MAPK10: variants seen among roughly 807,000 people sequenced by gnomAD.
The protein encoded by MAPK10 is mitogen-activated protein kinase 10.
In MAPK10, 25 loss-of-function variants were observed where a neutral mutation model predicts 59.3. The observed-to-expected ratio is 0.42, with a 90% CI of 0.31 to 0.59. MAPK10 has a LOEUF of 0.59. Among genes scored for constraint, MAPK10 ranks in the 20% least tolerant of loss-of-function variants. MAPK10 has a pLI of 0.15. For missense variants in MAPK10, 351 were observed against 568.9 expected (o/e 0.62, Z 3.90); for synonymous variants, 190 against 200.5 (o/e 0.95, Z 0.44).
intron 1 of MAPK10, among the ~76,000 whole-genome samples, chr4:86,474,672 G>A (rs528711296): frequency 6.6e-6 from 1 of 152,252 alleles, no homozygotes; most frequent in Non-Finnish European, 1.5e-5. Flanking sequence ...GCTAGAAAAT[G>A]AGCTGAAGGA....
chr4:86,261,900 A>C (rs897026554), intron 2 of MAPK10, among the ~76,000 whole-genome samples: 7 of 152,254 alleles, frequency 4.6e-5, no homozygotes, highest in Admixed American at 3.9e-4. Context: ...CACTGCCGTG[A>C]GGGCTAGTTC....
chr4:86,556,163 T>A (rs182607304), intron 1 of MAPK10, among the ~76,000 whole-genome samples: 18 of 152,170 alleles, frequency 1.2e-4, no homozygotes, highest in African/African-American at 4.3e-4. Context: ...TGGGAACAAT[T>A]CATGCTAGCA....
chr4:86,042,759 A>AT (rs958941298), intron 11 of MAPK10, among the ~76,000 whole-genome samples: 1 of 152,004 alleles, frequency 6.6e-6, no homozygotes, highest in African/African-American at 2.4e-5. Context: ...TTTATCAGAA[A>AT]AAAAAGACAA....
At chr4:86,412,017 T>A (rs376947621) in intron 1 of MAPK10, among the ~76,000 whole-genome samples, 1 of 152,238 alleles carries the variant, frequency 6.6e-6, no homozygotes, top group African/African-American at 2.4e-5. Flanking sequence ...CAATTTGGCA[T>A]GTTTTTGCAG....
intron 1 of MAPK10, among the ~76,000 whole-genome samples, chr4:86,496,478 A>G (rs929531544): frequency 2.0e-5 from 3 of 152,202 alleles, no homozygotes; most frequent in Non-Finnish European, 4.4e-5. Context: ...ATCTGCCTAT[A>G]ATGCAAAGGA....
At chr4:86,480,114 C>T (rs1207217836) in intron 1 of MAPK10, among the ~76,000 whole-genome samples, 2 of 152,134 alleles carry the variant, frequency 1.3e-5, no homozygotes, top group South Asian at 2.1e-4. Flanking sequence ...GTGACCTGCA[C>T]GTATACACCT....
intron 9 of MAPK10, among the ~76,000 whole-genome samples, chr4:86,098,105 T>G (rs764400791): frequency 2.0e-5 from 3 of 152,160 alleles, no homozygotes; most frequent in Non-Finnish European, 4.4e-5. Context: ...GCTTAGAATG[T>G]CAGCAAGGAG....
chr4:86,074,937 G>A (rs1019187606), intron 9 of MAPK10, among the ~76,000 whole-genome samples: 1 of 139,340 alleles, frequency 7.2e-6, no homozygotes, highest in African/African-American at 2.8e-5. Context: ...CTGAACGTTG[G>A]CCTGCCTTGC....
upstream of MAPK10, among the ~76,000 whole-genome samples, chr4:86,362,857 G>T (rs1737232662): frequency 6.6e-6 from 1 of 152,146 alleles, no homozygotes; most frequent in African/African-American, 2.4e-5. Flanking sequence ...AGTACAAAAT[G>T]TTAAAACTAC....
intron 4 of MAPK10, among the ~76,000 whole-genome samples, chr4:86,145,693 T>C (rs890487864): frequency 1.3e-5 from 2 of 152,186 alleles, no homozygotes; most frequent in Non-Finnish European, 2.9e-5. Context: ...ATCTGTCATC[T>C]ATTTCTCTCT....
At chr4:86,102,080 A>G in intron 6 of MAPK10, 48 bp from the exon 7 acceptor site, 1 of 1,566,346 alleles carries the variant, frequency 6.4e-7, no homozygotes. Flanking sequence ...AAGATCTATG[A>G]AGTCCTTTGA....
At chr4:86,202,682 A>G (rs574474851) in intron 2 of MAPK10, among the ~76,000 whole-genome samples, 7 of 151,708 alleles carry the variant, frequency 4.6e-5, no homozygotes, top group Middle Eastern at 3.4e-3. Flanking sequence ...GTGACGTTTC[A>G]GTTCTCTACT....
intron 2 of MAPK10, among the ~76,000 whole-genome samples, chr4:86,242,013 T>C (rs2148689573): frequency 6.6e-6 from 1 of 152,238 alleles, no homozygotes; most frequent in African/African-American, 2.4e-5. Flanking sequence ...GATGGGGTTT[T>C]TGTGGGGGTC....
chr4:86,142,512 G>A (rs1351573943), intron 4 of MAPK10, among the ~76,000 whole-genome samples: 2 of 152,156 alleles, frequency 1.3e-5, no homozygotes, highest in African/African-American at 4.8e-5. Context: ...GGAAAACAGG[G>A]TGAGGGAGAC....
intron 9 of MAPK10, among the ~76,000 whole-genome samples, chr4:86,075,777 A>T (rs966774005): frequency 1.4e-4 from 21 of 152,060 alleles, no homozygotes; most frequent in Admixed American, 1.3e-3. Flanking sequence ...GCGTGCTGGG[A>T]GAACCACTGC....
At position 86,291,700 on chromosome 4, in the gene MAPK10, T is replaced by C. The variant is rs2095233598; in HGVS notation, c.-7+62830A>G. 2.0e-5 allele frequency among the ~76,000 whole-genome samples: 3 copies of C among 152,232 alleles called. No individual in the cohort carries two copies. In the South Asian group the frequency reaches 6.2e-4, roughly 31 times the overall value. On this transcript the variant is annotated intron_variant, in intron 2 of 13. Coordinates refer to ENST00000641462, the MANE Select transcript of MAPK10 (RefSeq NM_138982.4). ...TTCTAAGCACTGTCATTCTTCTAAA[T>C]AATTTATATTGCATTGGTATTTGCT...
At chr4:86,478,334 G>C (rs1001226350) in intron 1 of MAPK10, among the ~76,000 whole-genome samples, 6 of 152,086 alleles carry the variant, frequency 3.9e-5, no homozygotes, top group Admixed American at 6.6e-5. Flanking sequence ...CAAAGTGCAG[G>C]GTTGTGCAGT....
chr4:86,264,394 G>T (rs1362290782), intron 2 of MAPK10, among the ~76,000 whole-genome samples: 1 of 152,166 alleles, frequency 6.6e-6, no homozygotes, highest in African/African-American at 2.4e-5. Context: ...CCAAGAACAA[G>T]AAGAGACATG....
intron 4 of MAPK10, among the ~76,000 whole-genome samples, chr4:86,127,034 C>T (rs115798893): frequency 0.013 from 1,962 of 152,070 alleles, 52 homozygotes; most frequent in African/African-American, 0.045. Context: ...CATACCTCAT[C>T]ATCCTCATAA....
Sources: gnomAD v4.1 joint callset for allele counts (sites outside exome capture counted in the v4.1 genomes callset) on GRCh38, gnomAD v4.1.1 for gene constraint, MANE v1.5 for transcripts, NCBI Gene and HGNC (gene_info 2026-07-23, HGNC 2026-07-21) for gene names.